TENM3: variants seen among roughly 807,000 people sequenced by gnomAD.
TENM3 encodes teneurin-3.
A neutral mutation model predicts 255.1 loss-of-function variants in TENM3; 63 were observed. That is an observed-to-expected ratio of 0.25 (90% CI 0.20 to 0.30). The LOEUF is 0.30. Among genes scored for constraint, TENM3 ranks in the 10% least tolerant of loss-of-function variants. The pLI, the probability that TENM3 is intolerant of heterozygous loss-of-function variation, is 1.00. For missense variants in TENM3, 2,929 were observed against 3,461.1 expected (o/e 0.85, Z 3.86); for synonymous variants, 1,306 against 1,322.3 (o/e 0.99, Z 0.27).
chr4:182,597,913 C>T (rs774023327), intron 3 of TENM3, among the ~76,000 whole-genome samples: 1 of 152,214 alleles, frequency 6.6e-6, no homozygotes, highest in Non-Finnish European at 1.5e-5. Flanking sequence ...GGCACAGTGG[C>T]TCATGCCTGT....
At chr4:182,767,496 C>T (rs75188383) in intron 22 of TENM3, among the ~76,000 whole-genome samples, 3,651 of 151,866 alleles carry the variant, frequency 0.024, 141 homozygotes, top group African/African-American at 0.083. Context: ...TGTTGTTGGC[C>T]GTTAAACTAT....
At chr4:182,538,706 T>C (rs1740574982) in intron 3 of TENM3, among the ~76,000 whole-genome samples, 1 of 151,760 alleles carries the variant, frequency 6.6e-6, no homozygotes, top group African/African-American at 2.4e-5. Context: ...GGTAGTGGAG[T>C]TGAAGAGAAG....
intron 3 of TENM3, among the ~76,000 whole-genome samples, chr4:182,555,933 G>T (rs1358984869): frequency 6.6e-6 from 1 of 151,590 alleles, no homozygotes; most frequent in South Asian, 2.1e-4. Flanking sequence ...AAACACTGAA[G>T]AGTTTCTCTA....
chr4:182,273,521 T>C (rs961230971), intron 1 of TENM3, among the ~76,000 whole-genome samples: 2 of 152,250 alleles, frequency 1.3e-5, no homozygotes, highest in Non-Finnish European at 2.9e-5. Flanking sequence ...TACAAGTCCC[T>C]GCTTTGTTCC....
the TENM3 span, among the ~76,000 whole-genome samples, chr4:181,950,888 C>T: frequency 1.8e-4 from 28 of 151,936 alleles, no homozygotes; most frequent in African/African-American, 6.3e-4. Flanking sequence ...AAAAAATAAA[C>T]AAAATTAGCC....
In TENM3 at chr4:182,798,678, C is replaced by T. The variant is rs538879927; in HGVS notation, c.7345-918C>T. Among the ~76,000 whole-genome samples the T allele has an allele frequency of 5.3e-5, 8 of 152,350 alleles. No homozygotes were observed. The East Asian group carries it at 1.5e-3, about 29-fold the overall frequency. The stretch of plus-strand genomic sequence containing the variant: ...TTTCCAACATGCCTGAAAACACCTA[C>T]ATCTAACTGTACAAATGGACTTGCC... On this transcript the variant is annotated intron_variant, in intron 27 of 27. Coordinates refer to ENST00000511685, the MANE Select transcript of TENM3 (RefSeq NM_001080477.4).
chr4:182,151,475 T>C (rs931413691), intron 1 of TENM3, among the ~76,000 whole-genome samples: 14 of 152,088 alleles, frequency 9.2e-5, no homozygotes, highest in African/African-American at 2.9e-4. Flanking sequence ...AATTGGCAAG[T>C]GACTGGTTCT....
chr4:182,031,742 T>C, the TENM3 span, among the ~76,000 whole-genome samples: 7 of 152,220 alleles, frequency 4.6e-5, no homozygotes, highest in Admixed American at 4.6e-4. Context: ...CAGTGTTTTA[T>C]AGTTCTCCTT....
chr4:182,522,582 A>T (rs933773310), intron 3 of TENM3, among the ~76,000 whole-genome samples: 1 of 152,214 alleles, frequency 6.6e-6, no homozygotes, highest in African/African-American at 2.4e-5. Flanking sequence ...TTTTTAAAAA[A>T]TTTATTTGTT....
rs1186622721 is a variant in TENM3, at chr4:182,228,355, GTAA to G, written c.-76+83603_-76+83605del. Among the ~76,000 whole-genome samples the G allele has an allele frequency of 9.9e-5, 6 of 60,592 alleles. 1 individual carries two copies. Among genetic ancestry groups the G allele is most frequent in the East Asian group, 3.3e-4 (1 of 3,032 alleles). 39.8% of individuals were successfully genotyped at this position (60,592 alleles called of 152,430 possible). A position where few individuals can be genotyped will look rare whatever the true frequency, so the allele number is the denominator to read the frequency against. ...ATACCTTAAATATATATAATGTAATGTAATGTGTGTGTGTGTGTGTGTGTGTGT... is the reference window on the plus strand; with the variant it reads ...ATACCTTAAATATATATAATGTAATGTGTGTGTGTGTGTGTGTGTGTGTGT... On this transcript the variant is annotated intron_variant, in intron 1 of 2. Coordinates refer to the TENM3 transcript ENST00000512480.
At chr4:182,610,995 C>T (rs957223304) in intron 4 of TENM3, among the ~76,000 whole-genome samples, 2 of 151,552 alleles carry the variant, frequency 1.3e-5, no homozygotes, top group African/African-American at 2.4e-5. Context: ...GATGCTCTCA[C>T]CTCAGCCTCC....
intron 1 of TENM3, among the ~76,000 whole-genome samples, chr4:182,261,353 C>T (rs1263711651): frequency 6.6e-6 from 1 of 152,054 alleles, no homozygotes; most frequent in Non-Finnish European, 1.5e-5. Flanking sequence ...TGAACATTGC[C>T]CTTCAGAGAG....
the TENM3 span, among the ~76,000 whole-genome samples, chr4:181,961,784 C>T: frequency 6.6e-6 from 1 of 152,190 alleles, no homozygotes; most frequent in Non-Finnish European, 1.5e-5. Flanking sequence ...GATATTTCAA[C>T]ATGTTGGCTT....
the TENM3 span, among the ~76,000 whole-genome samples, chr4:181,750,707 C>T: frequency 1.3e-5 from 2 of 152,142 alleles, no homozygotes; most frequent in African/African-American, 2.4e-5. Flanking sequence ...AAAGAGGCCG[C>T]AACTTTCTCT....
the TENM3 span, among the ~76,000 whole-genome samples, chr4:181,537,687 A>G: frequency 6.6e-6 from 1 of 152,238 alleles, no homozygotes; most frequent in South Asian, 2.1e-4. Flanking sequence ...TTTAAGAAAC[A>G]AAGAACCAGA....
chr4:182,668,008 A>G (rs1303479407), intron 6 of TENM3, among the ~76,000 whole-genome samples: 1 of 152,104 alleles, frequency 6.6e-6, no homozygotes, highest in Non-Finnish European at 1.5e-5. Flanking sequence ...ATTCTTTGAC[A>G]GTAGTTGGGG....
the TENM3 span, among the ~76,000 whole-genome samples, chr4:181,594,445 C>A: frequency 3.3e-5 from 5 of 152,164 alleles, no homozygotes; most frequent in African/African-American, 4.8e-5. Flanking sequence ...TGGTCCACCC[C>A]TTTCTTCATG....
At chr4:182,633,644 G>A (rs933249067) in intron 5 of TENM3, among the ~76,000 whole-genome samples, 1 of 152,218 alleles carries the variant, frequency 6.6e-6, no homozygotes, top group African/African-American at 2.4e-5. Context: ...ACTGTGCCGG[G>A]CGCTGTTCTA....
chr4:182,781,666 T>C (rs1196337231), intron 24 of TENM3, among the ~76,000 whole-genome samples: 1 of 149,722 alleles, frequency 6.7e-6, no homozygotes. Context: ...AGAATTCAGC[T>C]GTGAATCCAT....
Sources: gnomAD v4.1 joint callset for allele counts (sites outside exome capture counted in the v4.1 genomes callset) on GRCh38, gnomAD v4.1.1 for gene constraint, MANE v1.5 for transcripts, NCBI Gene and HGNC (gene_info 2026-07-23, HGNC 2026-07-21) for gene names.